PLEKHG4B: variants seen among roughly 807,000 people sequenced by gnomAD.
PLEKHG4B encodes pleckstrin homology domain-containing family G member 4B.
PLEKHG4B carries 111 observed loss-of-function variants against 121.3 expected under a neutral mutation model. That is an observed-to-expected ratio of 0.92 (90% CI 0.78 to 1.07). PLEKHG4B has a LOEUF of 1.07. PLEKHG4B is among the 50% of genes least tolerant of loss of function. The pLI is 0.00. For missense variants in PLEKHG4B, 1,831 were observed against 1,757.8 expected (o/e 1.04, Z -0.74); for synonymous variants, 738 against 725.0 (o/e 1.02, Z -0.29).
intron 5 of PLEKHG4B, chr5:143,950 AT>A (rs66480934): frequency 0.19 from 31,286 of 160,652 alleles, 3,889 homozygotes; most frequent in African/African-American, 0.36. Flanking sequence ...ACACACACAA[AT>A]TTTTTTTTTT....
intron 6 of PLEKHG4B, among the ~76,000 whole-genome samples, chr5:149,040 C>T (rs1735519573): frequency 6.6e-6 from 1 of 152,136 alleles, no homozygotes; most frequent in Non-Finnish European, 1.5e-5. Flanking sequence ...AACTTAGATT[C>T]TTACCTAAAC....
intron 2 of PLEKHG4B, among the ~76,000 whole-genome samples, chr5:117,690 T>C (rs1046620769): frequency 6.6e-6 from 1 of 152,068 alleles, no homozygotes; most frequent in African/African-American, 2.4e-5. Flanking sequence ...CCATCTCTAC[T>C]AAAAACACAA....
intron 1 of PLEKHG4B, among the ~76,000 whole-genome samples, chr5:110,591 C>T (rs1277033099): frequency 1.4e-5 from 2 of 147,738 alleles, no homozygotes; most frequent in African/African-American, 5.0e-5. Flanking sequence ...CACATCCACA[C>T]AATCTGCAAC....
At chr5:151,118 G>A (rs1268839685) in intron 6 of PLEKHG4B, among the ~76,000 whole-genome samples, 1 of 152,206 alleles carries the variant, frequency 6.6e-6, no homozygotes, top group African/African-American at 2.4e-5. Flanking sequence ...AGGCAAGTCG[G>A]TGGAGACGAA....
At position 143,472 on chromosome 5, in the gene PLEKHG4B, C is replaced by T. The variant is rs372761117; in HGVS notation, c.1780C>T (p.Arg594Cys). 1.5e-5 allele frequency: 24 copies of T among 1,612,902 alleles called. No individual in the cohort carries two copies. The highest frequency in any genetic ancestry group is 5.0e-5 in the Admixed American group (3 of 60,028). The part of the protein sequence containing the change: ...REHSSCAELT[R>C]LLLYFHSIPR... ...ACACTCGTCCTGTGCTGAGCTGACCCGCCTGCTGCTGTACTTCCATAGCAT... is the reference window on the plus strand; with the variant it reads ...ACACTCGTCCTGTGCTGAGCTGACCTGCCTGCTGCTGTACTTCCATAGCAT... The change falls in exon 5 of 20, where the codon CGC becomes TGC. Residue 594 changes from arginine (R) to cysteine (C), a missense_variant. Physicochemically the swap from Arg to Cys is radical, Grantham distance 180. Transcript: ENST00000637938.
At chr5:94,632 A>G (rs1733578731) in intron 1 of PLEKHG4B, among the ~76,000 whole-genome samples, 1 of 151,608 alleles carries the variant, frequency 6.6e-6, no homozygotes, top group Non-Finnish European at 1.5e-5. Flanking sequence ...TTCCATCCTG[A>G]AGGTGTTGGT....
At chr5:125,396 A>G (rs1245157973) in intron 2 of PLEKHG4B, among the ~76,000 whole-genome samples, 1 of 152,168 alleles carries the variant, frequency 6.6e-6, no homozygotes, top group East Asian at 1.9e-4. Context: ...TACACTTATT[A>G]TCCTAAAGTT....
chr5:102,092 T>C (rs10475440), intron 1 of PLEKHG4B, among the ~76,000 whole-genome samples: 1,127 of 105,878 alleles, frequency 0.011, 26 homozygotes, highest in Middle Eastern at 0.033. Context: ...CTGGAAAAAG[T>C]CTATAGGGGA....
intron 18 of PLEKHG4B, among the ~76,000 whole-genome samples, chr5:175,196 G>T (rs936392419): frequency 8.6e-5 from 13 of 151,988 alleles, no homozygotes; most frequent in African/African-American, 3.1e-4. Flanking sequence ...GCCCTGGGAG[G>T]CTGAGCTCAT....
chr5:162,734 A>G lies in PLEKHG4B; in HGVS notation c.2662A>G (p.Met888Val). 6.9e-7 allele frequency: 1 copy of G among 1,455,076 alleles called. No homozygotes were observed. The highest frequency in any genetic ancestry group is 1.5e-5 in the South Asian group (1 of 67,614). The allele number at this position is 1,455,076 out of a possible 1,614,324, so 90.1% of individuals were successfully genotyped here. ...SELCETVSSW[M>V]GPLDPEACPS... is the part of the protein sequence containing the mutation. ...CCTTGTCCCACAGGTGAGCAGCTGG[A>G]TGGGGCCCCTGGACCCGGAGGCTTG... is the stretch of plus-strand genomic sequence containing the variant. The change falls in exon 13 of 20, where the codon ATG (methionine) becomes GTG (valine). Residue 888 changes from methionine (M) to valine (V), a missense_variant. Transcript: ENST00000637938.
chr5:149,408 G>T (rs1202338696), intron 6 of PLEKHG4B, among the ~76,000 whole-genome samples: 1 of 152,050 alleles, frequency 6.6e-6, no homozygotes, highest in Non-Finnish European at 1.5e-5. Flanking sequence ...GAGCATGGTG[G>T]TGCATGTTTG....
chr5:159,448 C>T lies in PLEKHG4B; in HGVS notation c.2488-2335C>T, dbSNP rs1438077001. On this transcript the variant is annotated intron_variant, in intron 11 of 19. Transcript: ENST00000637938. The surrounding 1 kb of genome is among the most constrained non-coding windows in gnomAD (Gnocchi z 5.5). ...TTTTCTGTCCTGTTGCCTTAATTTT[C>T]CCCACCCCTGGCTGTGTGCTGTCCT... 6.6e-6 allele frequency among the ~76,000 whole-genome samples: 1 copy of T among 152,192 alleles called. No individual in the cohort carries two copies. Among genetic ancestry groups the T allele is most frequent in the African/African-American group, 2.4e-5 (1 of 41,444 alleles).
chr5:188,833 C>T lies in PLEKHG4B; in HGVS notation c.*6510C>T, dbSNP rs1331391112. ...AGGCAGGCTCAGCGATGCTCTCCAT[C>T]CGGCCTGGCCCCACCGTGTGTATCA... On this transcript the variant is annotated 3_prime_UTR_variant, in exon 20 of 20. Coordinates refer to ENST00000637938, the MANE Select transcript of PLEKHG4B (RefSeq NM_052909.5). 1 of 152,296 alleles carries T rather than the reference C, an allele frequency of 6.6e-6. No homozygotes were observed. The highest frequency in any genetic ancestry group is 1.5e-5 in the Non-Finnish European group (1 of 68,086). 9.4% of individuals were successfully genotyped at this position (152,296 alleles called of 1,614,324 possible).
In PLEKHG4B at chr5:162,516, G is replaced by A. The variant is rs567727820; in HGVS notation, c.2650-206G>A. On this transcript the variant is annotated intron_variant, in intron 12 of 19. Coordinates refer to ENST00000637938, the MANE Select transcript of PLEKHG4B (RefSeq NM_052909.5). ...CCCCCACGGTGCCCTCTGGCATGGC[G>A]AACAGACCCCATGGGGTCAGACACA... Among the ~76,000 whole-genome samples the A allele has an allele frequency of 2.2e-4, 33 of 152,342 alleles. 1 individual carries two copies. Among genetic ancestry groups the A allele is most frequent in the Middle Eastern group, 3.4e-3 (1 of 294 alleles).
intron 13 of PLEKHG4B, among the ~76,000 whole-genome samples, chr5:168,835 TGAGGATGTGCAGTAGACTGGAAGATTA>T (rs1736438437): frequency 6.7e-6 from 1 of 148,188 alleles, no homozygotes; most frequent in African/African-American, 2.6e-5. Context: ...CGCTCCTTGC[TGAGGATGTGCAGTAGACTGGAAGATTA>T]TTCTTTTTTT....
chr5:116,669 G>C (rs1038901731), intron 2 of PLEKHG4B, among the ~76,000 whole-genome samples: 3 of 152,210 alleles, frequency 2.0e-5, no homozygotes, highest in Admixed American at 2.0e-4. Context: ...ACCTGGCTAG[G>C]TCCTAAAAAG....
At chr5:146,480 C>T (rs1172655469) in intron 6 of PLEKHG4B, among the ~76,000 whole-genome samples, 1 of 144,090 alleles carries the variant, frequency 6.9e-6, no homozygotes, top group Non-Finnish European at 1.5e-5. Flanking sequence ...GCAATCCTCT[C>T]TCCTCCCCTC....
chr5:124,842 C>A (rs1734567581), intron 2 of PLEKHG4B, among the ~76,000 whole-genome samples: 1 of 152,008 alleles, frequency 6.6e-6, no homozygotes, highest in Non-Finnish European at 1.5e-5. Flanking sequence ...TTTCAAAAAT[C>A]CATTTTGCAG....
chr5:173,652 A>G (rs1053429541), intron 17 of PLEKHG4B, among the ~76,000 whole-genome samples: 3 of 151,210 alleles, frequency 2.0e-5, no homozygotes, highest in African/African-American at 7.3e-5. Context: ...AGTCCTGTAC[A>G]GTCTCCTTTG....
Sources: gnomAD v4.1 joint callset for allele counts (sites outside exome capture counted in the v4.1 genomes callset) on GRCh38, gnomAD v4.1.1 for gene constraint, Gnocchi (gnomAD v3.1) non-coding constraint, MANE v1.5 for transcripts, NCBI Gene and HGNC (gene_info 2026-07-23, HGNC 2026-07-21) for gene names.